Variants in BTBD1 observed in about 807,000 individuals in gnomAD.
BTBD1 encodes the protein BTB domain containing 1, also known as BTB/POZ domain-containing protein 1.
In BTBD1, 34 loss-of-function variants were observed where a neutral mutation model predicts 48.0. The observed-to-expected ratio is 0.71, with a 90% confidence interval of 0.54 to 0.94. The LOEUF (loss-of-function observed/expected upper bound fraction) is 0.94. Among genes scored for constraint, BTBD1 ranks in the 40% least tolerant of loss-of-function variants. The pLI is 0.00. For missense variants in BTBD1, 543 were observed against 625.6 expected, an observed-to-expected ratio of 0.87 and a Z score of 1.41; for synonymous variants, 261 against 242.1, an observed-to-expected ratio of 1.08 and a Z score of -0.72.
At chr15:83,037,471 A>G (rs945091179) in intron 4 of BTBD1, among the ~76,000 whole-genome samples, 3 of 152,224 alleles carry the variant, frequency 2.0e-5, no homozygotes, top group African/African-American at 7.2e-5. Flanking sequence ...ATGAAAAAGC[A>G]TTCAATAAAA....
intron 4 of BTBD1, among the ~76,000 whole-genome samples, chr15:83,031,248 T>C (rs1270043167): frequency 6.6e-6 from 1 of 152,216 alleles, no homozygotes; most frequent in East Asian, 1.9e-4. Context: ...TATCTCATTG[T>C]GGTTTTGATT....
chr15:83,035,497 A>AG (rs1197507561), intron 4 of BTBD1, among the ~76,000 whole-genome samples: 1 of 147,708 alleles, frequency 6.8e-6, no homozygotes, highest in African/African-American at 2.5e-5. Flanking sequence ...TATGAGTCAA[A>AG]GAAAAAAAAA....
chr15:83,066,080 C>T (rs1452300595), intron 1 of BTBD1, among the ~76,000 whole-genome samples: 1 of 152,060 alleles, frequency 6.6e-6, no homozygotes, highest in Non-Finnish European at 1.5e-5. Context: ...TCGCTTGACC[C>T]CAGGAGTCCG....
In BTBD1 at chr15:83,016,932, CTT is replaced by C. The variant is rs2032178952; in HGVS notation, c.*1133_*1134del. On this transcript the variant is annotated 3_prime_UTR_variant, in exon 8 of 8. Transcript: ENST00000261721. ...ACGATTTGATATACCTTAAACTCCA[CTT>C]TCATTTTTTATAAGAGAATCACTTT... The C allele has an allele frequency of 6.6e-6, 1 of 152,252 alleles. No homozygotes were observed. The highest frequency in any genetic ancestry group is 1.5e-5 in the Non-Finnish European group (1 of 68,024). 9.4% of individuals were successfully genotyped at this position (152,252 alleles called of 1,614,324 possible).
At chr15:83,019,615 G>A (rs1438442796) in intron 6 of BTBD1, among the ~76,000 whole-genome samples, 2 of 141,736 alleles carry the variant, frequency 1.4e-5, no homozygotes, top group East Asian at 4.1e-4. Context: ...TTGAGACGGA[G>A]TCTCACTCTG....
intron 4 of BTBD1, among the ~76,000 whole-genome samples, chr15:83,033,540 T>C (rs1386707892): frequency 1.3e-5 from 2 of 152,160 alleles, no homozygotes; most frequent in Non-Finnish European, 2.9e-5. Flanking sequence ...GTATCAATAA[T>C]GCCTTTATAT....
intron 5 of BTBD1, among the ~76,000 whole-genome samples, chr15:83,022,827 T>C (rs2032327253): frequency 6.6e-6 from 1 of 151,708 alleles, no homozygotes; most frequent in South Asian, 2.1e-4. Flanking sequence ...CTGAGTGTGG[T>C]GGTGTGCACC....
chr15:83,033,530 G>A (rs1219237432), intron 4 of BTBD1, among the ~76,000 whole-genome samples: 1 of 152,034 alleles, frequency 6.6e-6, no homozygotes. Flanking sequence ...TATAGCAAAA[G>A]TATCAATAAT....
At chr15:83,039,984 GACACACACACACAC>G (rs34590396) in intron 4 of BTBD1, among the ~76,000 whole-genome samples, 4 of 146,212 alleles carry the variant, frequency 2.7e-5, no homozygotes, top group East Asian at 4.1e-4. Flanking sequence ...TAGAGAATGT[GACACACACACACAC>G]ACACACACAC....
intron 3 of BTBD1, among the ~76,000 whole-genome samples, chr15:83,045,826 C>T (rs2032867695): frequency 6.6e-6 from 1 of 152,066 alleles, no homozygotes; most frequent in Non-Finnish European, 1.5e-5. Flanking sequence ...TACATGTCTC[C>T]ACTTGGTATG....
At chr15:83,040,637 T>C (rs1399210449) in intron 4 of BTBD1, among the ~76,000 whole-genome samples, 2 of 149,806 alleles carry the variant, frequency 1.3e-5, no homozygotes, top group African/African-American at 5.0e-5. Context: ...GAGATGGACG[T>C]TGCGGTGAGC....
chr15:83,038,131 G>A (rs1271436045), intron 4 of BTBD1, among the ~76,000 whole-genome samples: 2 of 152,042 alleles, frequency 1.3e-5, no homozygotes, highest in Non-Finnish European at 1.5e-5. Context: ...AACTGATAAA[G>A]AACTTCAATA....
chr15:83,043,300 T>A (rs558228011), intron 3 of BTBD1, among the ~76,000 whole-genome samples: 1 of 152,184 alleles, frequency 6.6e-6, no homozygotes, highest in South Asian at 2.1e-4. Context: ...GCCTGGCATA[T>A]CTGAGGAATG....
intron 2 of BTBD1, among the ~76,000 whole-genome samples, 163 bp from the exon 3 acceptor site, chr15:83,050,341 C>G (rs1173665644): frequency 6.6e-6 from 1 of 151,876 alleles, no homozygotes; most frequent in Non-Finnish European, 1.5e-5. Flanking sequence ...ACTTTTCATT[C>G]TACAATCAGA....
At chr15:83,051,029 A>AT (rs2032971719) in intron 2 of BTBD1, among the ~76,000 whole-genome samples, 1 of 142,954 alleles carries the variant, frequency 7.0e-6, no homozygotes, top group African/African-American at 2.7e-5. Flanking sequence ...ACCCTCCCCC[A>AT]CAAAAAAAAA....
chr15:83,039,237 C>T (rs1567107143), intron 4 of BTBD1, among the ~76,000 whole-genome samples: 2 of 151,656 alleles, frequency 1.3e-5, no homozygotes, highest in African/African-American at 2.4e-5. Context: ...AGACATTTCT[C>T]AAAAGAAGAT....
chr15:83,036,567 A>G (rs922153205), intron 4 of BTBD1, among the ~76,000 whole-genome samples: 1 of 152,196 alleles, frequency 6.6e-6, no homozygotes, highest in African/African-American at 2.4e-5. Flanking sequence ...TGACTTAGCA[A>G]TTCCACTCGT....
At position 83,051,873 on chromosome 15, in the gene BTBD1, T is replaced by TACAC. The variant is rs766997533; in HGVS notation, c.559-1696_559-1695insGTGT. On this transcript the variant is annotated intron_variant, in intron 2 of 7. Coordinates refer to ENST00000261721, the MANE Select transcript of BTBD1 (RefSeq NM_025238.4). The stretch of plus-strand genomic sequence containing the variant: ...CTCATTTATTAATTTTTTTTCCATA[T>TACAC]ATATACACACACACACACACACACA... Among the ~76,000 whole-genome samples the TACAC allele has an allele frequency of 7.5e-3, 178 of 23,688 alleles. No homozygotes were observed. The East Asian group carries it at 0.17, about 22-fold the overall frequency. 15.5% of individuals were successfully genotyped at this position (23,688 alleles called of 152,430 possible).
intron 1 of BTBD1, among the ~76,000 whole-genome samples, chr15:83,065,672 T>C (rs970634046): frequency 6.6e-6 from 1 of 152,240 alleles, no homozygotes; most frequent in East Asian, 1.9e-4. Flanking sequence ...CAGTGTGAGT[T>C]AGCTGTTTGT....
Sources: allele counts gnomAD v4.1 joint callset (sites outside exome capture counted in the v4.1 genomes callset), GRCh38; gene constraint gnomAD v4.1.1; transcripts MANE v1.5; gene names NCBI Gene and HGNC (gene_info 2026-07-23, HGNC 2026-07-21).